ELOC: variants seen among roughly 807,000 people sequenced by gnomAD.
ELOC encodes the protein elongin-C.
For synonymous variants in ELOC, 40 were observed against 51.3 expected, an observed-to-expected ratio of 0.78 and a Z score of 0.94; for missense variants, 38 against 139.0, an observed-to-expected ratio of 0.27 and a Z score of 3.65.
chr8:73,958,758 T>C (rs1443978673), intron 2 of ELOC, among the ~76,000 whole-genome samples: 1 of 152,226 alleles, frequency 6.6e-6, no homozygotes, highest in East Asian at 1.9e-4. Context: ...AATCACAAAT[T>C]GGGGTTAGCA....
chr8:73,963,987 G>T (rs1014544124), intron 1 of ELOC, among the ~76,000 whole-genome samples: 1 of 151,306 alleles, frequency 6.6e-6, no homozygotes, highest in African/African-American at 2.4e-5. Flanking sequence ...CAGCTACTCG[G>T]GAGGCTGAGG....
intron 2 of ELOC, among the ~76,000 whole-genome samples, chr8:73,956,452 C>A (rs1329210269): frequency 6.6e-6 from 1 of 152,118 alleles, no homozygotes; most frequent in Non-Finnish European, 1.5e-5. Flanking sequence ...AGAACTCATA[C>A]CAGAAACATT....
At chr8:73,957,556 A>C (rs1441912854) in intron 2 of ELOC, among the ~76,000 whole-genome samples, 1 of 152,228 alleles carries the variant, frequency 6.6e-6, no homozygotes, top group African/African-American at 2.4e-5. Flanking sequence ...TTAAACAATT[A>C]ATTCAGAAAT....
chr8:73,955,800 A>C, intron 3 of ELOC, 111 bp downstream of exon 3: 2 of 1,214,688 alleles, frequency 1.6e-6, no homozygotes, highest in South Asian at 1.4e-5. Flanking sequence ...ATCATACAAC[A>C]ATGTTAGAAG....
rs568715604 is a variant in ELOC, at chr8:73,948,623, C to G, written c.149-1803G>C. Among the ~76,000 whole-genome samples, 14 of 152,222 alleles carry G rather than the reference C, an allele frequency of 9.2e-5. No individual in the cohort carries two copies. The South Asian group carries it at 2.9e-3, about 32-fold the overall frequency. Reference sequence around the variant, plus strand: ...CTATTTAAACTATTTAACTGTTTACCTAAAATAATAAGAAAAATACTACTT... The same window carrying G: ...CTATTTAAACTATTTAACTGTTTACGTAAAATAATAAGAAAAATACTACTT... On this transcript the variant is annotated intron_variant, in intron 3 of 3. Transcript: ENST00000520242.
intron 3 of ELOC, among the ~76,000 whole-genome samples, chr8:73,948,030 T>A (rs1186857312): frequency 6.6e-6 from 1 of 152,008 alleles, no homozygotes; most frequent in African/African-American, 2.4e-5. Flanking sequence ...CCATCTGTAC[T>A]AAAAATACAA....
chr8:73,963,453 T>C (rs1415810960), intron 1 of ELOC, among the ~76,000 whole-genome samples: 1 of 152,226 alleles, frequency 6.6e-6, no homozygotes, highest in Non-Finnish European at 1.5e-5. Context: ...TGTTTTACTA[T>C]GATATTTTCT....
chr8:73,960,091 G>A (rs1814488883), intron 1 of ELOC, among the ~76,000 whole-genome samples: 2 of 152,176 alleles, frequency 1.3e-5, no homozygotes, highest in South Asian at 4.1e-4. Flanking sequence ...ATTGATTGGG[G>A]GTGGGGTTGT....
At chr8:73,947,572 T>A (rs1005781476) in intron 3 of ELOC, among the ~76,000 whole-genome samples, 4 of 152,076 alleles carry the variant, frequency 2.6e-5, no homozygotes, top group African/African-American at 9.7e-5. Flanking sequence ...AGTATTAACC[T>A]AAGTTTTTTT....
intron 3 of ELOC, among the ~76,000 whole-genome samples, chr8:73,950,742 C>G (rs1454347124): frequency 1.3e-5 from 2 of 152,110 alleles, no homozygotes; most frequent in Non-Finnish European, 2.9e-5. Flanking sequence ...GTATCAGAGT[C>G]TAATCAAGTC....
chr8:73,947,302 G>T (rs987953266), intron 3 of ELOC, among the ~76,000 whole-genome samples: 6 of 151,874 alleles, frequency 4.0e-5, no homozygotes, highest in Non-Finnish European at 8.8e-5. Flanking sequence ...TGGTATTCTC[G>T]TAAGAGATCC....
At position 73,972,070 on chromosome 8, in the gene ELOC, GACTC is replaced by G. The variant is rs1361690132; in HGVS notation, c.-51+3_-51+6del. On this transcript the variant is annotated splice_donor_5th_base_variant and intron_variant, in intron 1 of 3. Transcript: ENST00000520242. ...GAGCTCCGTTTCCGCCCCAGCCCGA[GACTC>G]ACTCGTCAGTCCCGCAGCCACCGCA... is the stretch of plus-strand genomic sequence containing the variant. 6.6e-6 allele frequency: 1 copy of G among 152,448 alleles called. No individual in the cohort carries two copies. The highest frequency in any genetic ancestry group is 1.5e-5 in the Non-Finnish European group (1 of 68,274). 9.4% of individuals were successfully genotyped at this position (152,448 alleles called of 1,614,324 possible).
At chr8:73,966,929 GCTTAAAATCAGTCA>G (rs1346520030) in intron 1 of ELOC, among the ~76,000 whole-genome samples, 1 of 152,096 alleles carries the variant, frequency 6.6e-6, no homozygotes, top group East Asian at 1.9e-4. Flanking sequence ...ATAATGTAGT[GCTTAAAATCAGTCA>G]ACTCCTAGCT....
At chr8:73,957,067 G>A (rs977693234) in intron 2 of ELOC, among the ~76,000 whole-genome samples, 2 of 152,044 alleles carry the variant, frequency 1.3e-5, no homozygotes, top group African/African-American at 4.8e-5. Flanking sequence ...CAGCTACTCA[G>A]GAGGCTGAGG....
intron 3 of ELOC, among the ~76,000 whole-genome samples, chr8:73,947,990 C>T (rs1227209230): frequency 2.0e-5 from 3 of 152,080 alleles, no homozygotes; most frequent in South Asian, 2.1e-4. Context: ...GTCAAGAGTT[C>T]GAGAGCAGCC....
rs202190344 is a variant in ELOC at position 73,946,991 on chromosome 8, T to TTTTG, written c.149-175_149-172dup. On this transcript the variant is annotated intron_variant, in intron 3 of 3. Transcript: ENST00000520242. ...TGGCAATCCAATATGATTGGTGTCT[T>TTTTG]TTTGTTTGTTTGTTTGAGACAGAGT... 3.9e-5 allele frequency among the ~76,000 whole-genome samples: 6 copies of TTTTG among 152,000 alleles called. No homozygotes were observed. The South Asian group carries it at 1.0e-3, about 26-fold the overall frequency.
chr8:73,946,906 G>C, intron 3 of ELOC, 86 bp from the exon 4 acceptor site: 1 of 1,095,392 alleles, frequency 9.1e-7, no homozygotes, highest in Non-Finnish European at 1.3e-6. Flanking sequence ...TTGTACCACA[G>C]AATGTGGCTG....
At chr8:73,961,445 G>C (rs1474353116) in intron 1 of ELOC, among the ~76,000 whole-genome samples, 1 of 152,104 alleles carries the variant, frequency 6.6e-6, no homozygotes, top group Admixed American at 6.6e-5. Context: ...GACAGAGCAG[G>C]AGCAGAAATC....
intron 1 of ELOC, among the ~76,000 whole-genome samples, chr8:73,963,785 T>C (rs1443229254): frequency 6.6e-6 from 1 of 152,120 alleles, no homozygotes; most frequent in Admixed American, 6.6e-5. Flanking sequence ...ACAACTAGCT[T>C]AGACAGGTAT....
Sources: gnomAD v4.1 joint callset for allele counts (sites outside exome capture counted in the v4.1 genomes callset) on GRCh38, gnomAD v4.1.1 for gene constraint, MANE v1.5 for transcripts, NCBI Gene and HGNC (gene_info 2026-07-23, HGNC 2026-07-21) for gene names.